NEK4: variants seen among roughly 807,000 people sequenced by gnomAD.
NEK4 encodes serine/threonine-protein kinase Nek4.
NEK4 carries 86 observed loss-of-function variants against 98.4 expected under a neutral mutation model. The observed-to-expected ratio is 0.87, with a 90% CI of 0.73 to 1.05. NEK4 has a LOEUF of 1.05. Among genes scored for constraint, NEK4 ranks in the 50% least tolerant of loss-of-function variants. The pLI, the probability that NEK4 is intolerant of heterozygous loss-of-function variation, is 0.00. For missense variants in NEK4, 898 were observed against 950.3 expected, an observed-to-expected ratio of 0.94 and a Z score of 0.72; for synonymous variants, 328 against 342.2, an observed-to-expected ratio of 0.96 and a Z score of 0.46.
Position 52,740,341 on chromosome 3 carries a change from G to C in NEK4, c.2094-707C>G, listed in dbSNP as rs540649191. Among the ~76,000 whole-genome samples the C allele has an allele frequency of 2.6e-5, 4 of 151,916 alleles. No homozygotes were observed. The South Asian group carries it at 8.3e-4, about 32-fold the overall frequency. ...GAAGAAAACATGAACATGTTAAAGA[G>C]AGACACAAAGACATTAAAAAAAGAC... On this transcript the variant is annotated intron_variant, in intron 13 of 15. Transcript: ENST00000233027.
intron 8 of NEK4, among the ~76,000 whole-genome samples, chr3:52,747,159 G>C (rs986132679): frequency 6.6e-6 from 1 of 152,072 alleles, no homozygotes; most frequent in African/African-American, 2.4e-5. Flanking sequence ...CTTCCTCTTA[G>C]AAAACAAAAG....
intron 12 of NEK4, 148 bp downstream of exon 12, chr3:52,743,204 T>A: frequency 1.5e-6 from 1 of 655,372 alleles, no homozygotes; most frequent in Non-Finnish European, 2.7e-6. Flanking sequence ...GACTATTATT[T>A]ACCAGTTCCT....
At chr3:52,738,378 C>G (rs368619489) in intron 14 of NEK4, among the ~76,000 whole-genome samples, 1 of 150,634 alleles carries the variant, frequency 6.6e-6, no homozygotes, top group Non-Finnish European at 1.5e-5. Flanking sequence ...AATGAGATTA[C>G]AGGCATGATG....
chr3:52,747,933 A>G (rs1416650166), intron 8 of NEK4, among the ~76,000 whole-genome samples: 3 of 149,296 alleles, frequency 2.0e-5, no homozygotes, highest in African/African-American at 7.3e-5. Flanking sequence ...TGACACAGCA[A>G]GAGTGTCTCA....
At chr3:52,766,768 T>C (rs1206100886) in intron 2 of NEK4, among the ~76,000 whole-genome samples, 3 of 148,836 alleles carry the variant, frequency 2.0e-5, no homozygotes, top group South Asian at 2.1e-4. Flanking sequence ...GGGTGGATCA[T>C]GAGGTCAGGA....
Position 52,768,493 on chromosome 3 carries a change from T to TG in NEK4, c.204dup (p.Lys69GlnfsTer19), listed in dbSNP as rs1355085327. 2.3e-5 allele frequency: 37 copies of TG among 1,614,216 alleles called. No homozygotes were observed. The highest frequency in any genetic ancestry group is 3.1e-5 in the Non-Finnish European group (37 of 1,180,026). ...CCATCTCCTCCTTCCCATGACTCCT[T>TG]GTAGGTGACAATGTTGGGATGCTTC... On this transcript the variant is annotated frameshift_variant, in exon 2 of 16. Coordinates refer to ENST00000233027, the MANE Select transcript of NEK4 (RefSeq NM_003157.6). LOFTEE classifies it high-confidence loss of function.
chr3:52,742,781 TTTAC>T (rs1418019049), intron 12 of NEK4, among the ~76,000 whole-genome samples: 3 of 152,138 alleles, frequency 2.0e-5, no homozygotes, highest in Admixed American at 6.5e-5. Flanking sequence ...CTGTTATTTA[TTTAC>T]TTATTTATTT....
intron 15 of NEK4, chr3:52,732,741 T>G (rs577847854): frequency 3.6e-6 from 1 of 279,440 alleles, no homozygotes; most frequent in Admixed American, 3.8e-5. Context: ...ACCTGAGCAT[T>G]ATCTCCATGT....
chr3:52,712,577 G>C (rs2097351469), intron 15 of NEK4, among the ~76,000 whole-genome samples: 1 of 152,222 alleles, frequency 6.6e-6, no homozygotes, highest in Admixed American at 6.5e-5. Flanking sequence ...TGTACCGGAA[G>C]AATCAGATCA....
rs536398703 is a variant in NEK4, at chr3:52,770,761, C to A, written c.-15G>T. 3 of 1,553,656 alleles carry A rather than the reference C, an allele frequency of 1.9e-6. No individual in the cohort carries two copies. The highest frequency in any genetic ancestry group is 1.9e-5 in the Admixed American group (1 of 51,984). ...GCCAGGGGCATGTTCCCAGCGCTGG[C>A]CCAGAGTCGGGATGCGGCGGCAGCG... On this transcript the variant is annotated 5_prime_UTR_variant, in exon 1 of 16. Coordinates refer to ENST00000233027, the MANE Select transcript of NEK4 (RefSeq NM_003157.6).
intron 4 of NEK4, among the ~76,000 whole-genome samples, chr3:52,764,289 A>G (rs532601260): frequency 6.6e-6 from 1 of 151,404 alleles, no homozygotes; most frequent in South Asian, 2.1e-4. Flanking sequence ...CTGTCTCAAA[A>G]AAAAAAAAAA....
At chr3:52,749,240 C>A (rs1032008604) in intron 8 of NEK4, among the ~76,000 whole-genome samples, 3 of 151,972 alleles carry the variant, frequency 2.0e-5, no homozygotes, top group African/African-American at 7.2e-5. Flanking sequence ...TCAAGCGATT[C>A]TCCTGCCTCA....
chr3:52,752,044 G>T lies in NEK4; in HGVS notation c.1256C>A (p.Ala419Asp). 1 of 1,614,172 alleles carries T rather than the reference G, an allele frequency of 6.2e-7. No homozygotes were observed. Among genetic ancestry groups the T allele is most frequent in the Admixed American group, 1.7e-5 (1 of 60,016 alleles). ...CATGGGAATCAGGTTTTCAGGCTGG[G>T]CACTGGATTTAGTGTTGTCCTGCAG... ...EMLQDNTKSS[A>D]QPENLIPMWS... is the part of the protein sequence containing the mutation. The change falls in exon 7 of 16, where the codon GCC becomes GAC. Residue 419 changes from alanine (A) to aspartate (D), a missense_variant. Coordinates refer to ENST00000233027, the MANE Select transcript of NEK4 (RefSeq NM_003157.6).
At chr3:52,733,624 A>G (rs2097372096) in intron 15 of NEK4, 3 of 499,622 alleles carry the variant, frequency 6.0e-6, no homozygotes, top group Admixed American at 4.2e-5. Flanking sequence ...CGTTGAAAGC[A>G]TTTAGCAAGC....
rs762400687 is a variant in NEK4 at position 52,744,276 on chromosome 3, C to T, written c.1857G>A (p.Arg619=). Residue 619 remains arginine (R), a synonymous_variant, in exon 11 of 16, where the codon AGG becomes AGA. Coordinates refer to ENST00000233027, the MANE Select transcript of NEK4 (RefSeq NM_003157.6). The part of the protein sequence containing the change: ...KDRPLSARER[R]RLKQSQEEMS... ...TTTCTTCCTGTGACTGCTTTAGTCG[C>T]CTCCTCTCTCTGGCTGATAATGGTC... The T allele has an allele frequency of 6.2e-7, 1 of 1,613,828 alleles. No homozygotes were observed. Among genetic ancestry groups the T allele is most frequent in the African/African-American group, 1.3e-5 (1 of 74,932 alleles).
chr3:52,753,468 C>T (rs2097409162), intron 6 of NEK4: 1 of 383,992 alleles, frequency 2.6e-6, no homozygotes, highest in South Asian at 2.0e-5. Context: ...AAATTGAATG[C>T]TGAGGACGGA....
At chr3:52,732,253 G>A (rs1323315927) in intron 15 of NEK4, among the ~76,000 whole-genome samples, 4 of 152,080 alleles carry the variant, frequency 2.6e-5, no homozygotes, top group African/African-American at 7.2e-5. Context: ...GAGTGCAGTG[G>A]CGCGATCTTG....
Position 52,709,181 on chromosome 3 carries a change from CAAA to C in NEK4, c.*2593_*2595del, listed in dbSNP as rs200752443. ...CCTGGGCAACAAGAAGACTCCATCT[CAAA>C]AAAAAAAAAAAAAGAATGATTGACA... On this transcript the variant is annotated 3_prime_UTR_variant, in exon 16 of 16. Coordinates refer to ENST00000233027, the MANE Select transcript of NEK4 (RefSeq NM_003157.6). 7 of 82,840 alleles carry C rather than the reference CAAA, an allele frequency of 8.5e-5. No individual in the cohort carries two copies. Among genetic ancestry groups the C allele is most frequent in the Non-Finnish European group, 1.3e-4 (5 of 38,830 alleles). The allele number at this position is 82,840 out of a possible 1,614,324, so 5.1% of individuals were successfully genotyped here.
At chr3:52,715,837 C>G (rs2097354638) in intron 15 of NEK4, among the ~76,000 whole-genome samples, 1 of 152,258 alleles carries the variant, frequency 6.6e-6, no homozygotes, top group Non-Finnish European at 1.5e-5. Context: ...CTGAAACATG[C>G]CCCTTTCTCA....
Sources: gnomAD v4.1 joint callset for allele counts (sites outside exome capture counted in the v4.1 genomes callset) on GRCh38, gnomAD v4.1.1 for gene constraint, MANE v1.5 for transcripts, NCBI Gene and HGNC (gene_info 2026-07-23, HGNC 2026-07-21) for gene names.